The following ANO2 variants were observed in gnomAD, a reference collection of about 807,000 sequenced individuals.
ANO2 encodes the protein anoctamin 2, also known as anoctamin-2.
ANO2 carries 101 observed loss-of-function variants against 124.2 expected under a neutral mutation model. The observed-to-expected ratio is 0.81, with a 90% CI of 0.69 to 0.96. The LOEUF is 0.96. Ranked by LOEUF, ANO2 falls within the 40% of genes least tolerant of loss-of-function variation. The pLI is 0.00. For missense variants in ANO2, 1,293 were observed against 1,274.5 expected, an observed-to-expected ratio of 1.01 and a Z score of -0.22; for synonymous variants, 486 against 482.5, an observed-to-expected ratio of 1.01 and a Z score of -0.09.
intron 1 of ANO2, among the ~76,000 whole-genome samples, chr12:5,926,272 C>G (rs1004488125): frequency 5.5e-4 from 84 of 152,190 alleles, no homozygotes; most frequent in African/African-American, 2.0e-3. Context: ...CACCCTAGTG[C>G]CAGCTGTCAG....
chr12:5,688,739 G>A (rs1948803882), intron 14 of ANO2, among the ~76,000 whole-genome samples: 1 of 151,980 alleles, frequency 6.6e-6, no homozygotes, highest in Non-Finnish European at 1.5e-5. Flanking sequence ...TCCAAGTCTA[G>A]GGTGCCTCTA....
chr12:5,775,298 GAA>G (rs375807920), intron 10 of ANO2, among the ~76,000 whole-genome samples: 8 of 151,528 alleles, frequency 5.3e-5, no homozygotes, highest in Admixed American at 6.6e-5. Flanking sequence ...GAGAGAGAGA[GAA>G]AAATTCTACA....
In ANO2 at chr12:5,892,506, G is replaced by A. The variant is rs139160592; in HGVS notation, c.534+28534C>T. ...ACATCATAATCAAAGTATTGAAAAC[G>A]ACAAAGGAAAAAGTTTTGAAAGCAG... On this transcript the variant is annotated intron_variant, in intron 3 of 24. Coordinates refer to ENST00000682330, the MANE Select transcript of ANO2 (RefSeq NM_001364791.2). 2.2e-4 allele frequency among the ~76,000 whole-genome samples: 34 copies of A among 152,168 alleles called. No homozygotes were observed. The East Asian group carries it at 4.6e-3, about 21-fold the overall frequency.
intron 7 of ANO2, among the ~76,000 whole-genome samples, chr12:5,826,139 T>C (rs921816930): frequency 6.6e-6 from 1 of 152,212 alleles, no homozygotes; most frequent in African/African-American, 2.4e-5. Context: ...CATTTAGGTA[T>C]TGTTAACTTT....
At chr12:5,793,846 C>A (rs902795027) in intron 10 of ANO2, among the ~76,000 whole-genome samples, 3 of 152,206 alleles carry the variant, frequency 2.0e-5, no homozygotes, top group Non-Finnish European at 2.9e-5. Context: ...TGTACTCCAA[C>A]TCCTGTTTCC....
At chr12:5,772,249 A>C (rs1358694283) in intron 10 of ANO2, among the ~76,000 whole-genome samples, 1 of 152,230 alleles carries the variant, frequency 6.6e-6, no homozygotes, top group Non-Finnish European at 1.5e-5. Flanking sequence ...AAAGTATCAC[A>C]TGACAGAGAA....
chr12:5,744,859 A>T lies in ANO2; in HGVS notation c.1191-542T>A, dbSNP rs139755412. ...TTCTACATGGGGAAGAACGGAGTAG[A>T]TCTGGGTGGAAAGCCCTTTTCTAAG... On this transcript the variant is annotated intron_variant, in intron 11 of 24. Coordinates refer to ENST00000682330, the MANE Select transcript of ANO2 (RefSeq NM_001364791.2). 1.8e-3 allele frequency among the ~76,000 whole-genome samples: 272 copies of T among 152,322 alleles called. 2 individuals carry two copies. Among genetic ancestry groups the T allele is most frequent in the Non-Finnish European group, 3.8e-4 (26 of 68,030 alleles).
intron 15 of ANO2, among the ~76,000 whole-genome samples, chr12:5,640,646 A>T (rs1343067324): frequency 6.6e-6 from 1 of 152,264 alleles, no homozygotes; most frequent in Non-Finnish European, 1.5e-5. Context: ...ACTGGTCATC[A>T]GAGAAATGCA....
At chr12:5,806,220 C>G (rs1953187929) in intron 8 of ANO2, 127 bp from the exon 9 acceptor site, 1 of 951,128 alleles carries the variant, frequency 1.1e-6, no homozygotes, top group Admixed American at 2.7e-5. Flanking sequence ...TAAGGAAGGT[C>G]AAAAGCATGG....
rs1949305991 is a variant in ANO2 at position 5,699,153 on chromosome 12, A to G, written c.1545+33367T>C. 2.0e-5 allele frequency among the ~76,000 whole-genome samples: 3 copies of G among 152,218 alleles called. No homozygotes were observed. In the South Asian group the frequency reaches 6.2e-4, roughly 31 times the overall value. On this transcript the variant is annotated intron_variant, in intron 14 of 24. Transcript: ENST00000682330. ...GACACATAATTGTCAGATTCACCAA[A>G]GTTGAAGTGAAGGAAAAAATGTTAA...
chr12:5,812,871 G>A (rs1418345881), intron 7 of ANO2, among the ~76,000 whole-genome samples: 1 of 101,428 alleles, frequency 9.9e-6, no homozygotes, highest in African/African-American at 2.9e-5. Context: ...GAAGGAAGGA[G>A]AAGGAAAGAA....
At chr12:5,937,632 G>A (rs944810328) in intron 1 of ANO2, among the ~76,000 whole-genome samples, 3 of 151,958 alleles carry the variant, frequency 2.0e-5, no homozygotes, top group Admixed American at 6.6e-5. Context: ...TCTTCCTATC[G>A]AGGGGGTTGG....
intron 10 of ANO2, among the ~76,000 whole-genome samples, chr12:5,799,299 C>T (rs1399455140): frequency 6.6e-6 from 1 of 152,234 alleles, no homozygotes; most frequent in African/African-American, 2.4e-5. Flanking sequence ...TATCAATCTA[C>T]AGTATCTTTT....
In ANO2 at chr12:5,718,871, C is replaced by T. The variant is rs2137049054; in HGVS notation, c.1545+13649G>A. ...CCCTTCCCTTGGCGGCCCCAATTTC[C>T]ACCGTGCAGTTTCCTGCATGGTTCC... On this transcript the variant is annotated intron_variant, in intron 14 of 24. Transcript: ENST00000682330. 1.3e-5 allele frequency among the ~76,000 whole-genome samples: 2 copies of T among 152,336 alleles called. 1 individual carries two copies. The highest frequency in any genetic ancestry group is 4.1e-4 in the South Asian group (2 of 4,828).
chr12:5,922,932 T>C, intron 1 of ANO2, 128 bp from the exon 2 acceptor site: 1 of 992,626 alleles, frequency 1.0e-6, no homozygotes, highest in Non-Finnish European at 1.4e-6. Context: ...GCTGCCTCCT[T>C]GGTTAGTCCC....
rs533310268 is a variant in ANO2, at chr12:5,912,437, G to C, written c.534+8603C>G. 2.0e-5 allele frequency among the ~76,000 whole-genome samples: 3 copies of C among 152,292 alleles called. No individual in the cohort carries two copies. The South Asian group carries it at 6.2e-4, about 32-fold the overall frequency. On this transcript the variant is annotated intron_variant, in intron 3 of 24. Transcript: ENST00000682330. ...ACCTCCTCAGGGTTGGGGAGGTTGG[G>C]GTGGGGGGAGGCTAAAACGAGCATC...
chr12:5,597,563 T>G (rs1325352294), intron 20 of ANO2, among the ~76,000 whole-genome samples: 1 of 152,174 alleles, frequency 6.6e-6, no homozygotes, highest in Non-Finnish European at 1.5e-5. Flanking sequence ...CTAGAAAACT[T>G]TGGGGTCTCT....
intron 10 of ANO2, among the ~76,000 whole-genome samples, chr12:5,772,274 A>G (rs1048542919): frequency 1.3e-5 from 2 of 152,240 alleles, no homozygotes; most frequent in African/African-American, 4.8e-5. Flanking sequence ...TTCCATTATG[A>G]AAACCCAATG....
chr12:5,942,946 AAG>A (rs1345404191), intron 1 of ANO2, among the ~76,000 whole-genome samples: 14 of 152,232 alleles, frequency 9.2e-5, no homozygotes, highest in African/African-American at 3.4e-4. Flanking sequence ...GGCTATAACT[AAG>A]AAGTCAAAAA....
Sources: gnomAD v4.1 joint callset for allele counts (sites outside exome capture counted in the v4.1 genomes callset) on GRCh38, gnomAD v4.1.1 for gene constraint, MANE v1.5 for transcripts, NCBI Gene and HGNC (gene_info 2026-07-23, HGNC 2026-07-21) for gene names.